The following NEO1 variants were observed in gnomAD, a reference collection of about 807,000 sequenced individuals.
NEO1 encodes neogenin 1.
In NEO1, 63 loss-of-function variants were observed where a neutral mutation model predicts 159.7. The ratio of observed to expected loss-of-function variants is 0.39; its 90% CI spans 0.32 to 0.49. The LOEUF (loss-of-function observed/expected upper bound fraction) is 0.49. Among genes scored for constraint, NEO1 ranks in the 20% least tolerant of loss-of-function variants. NEO1 has a pLI of 0.85. For synonymous variants in NEO1, 633 were observed against 662.0 expected (o/e 0.96, Z 0.67); for missense variants, 1,615 against 1,831.0 (o/e 0.88, Z 2.15).
At chr15:73,096,393 A>G (rs1327003566) in intron 1 of NEO1, among the ~76,000 whole-genome samples, 1 of 152,218 alleles carries the variant, frequency 6.6e-6, no homozygotes, top group African/African-American at 2.4e-5. Flanking sequence ...GCAACAGGAG[A>G]TGAAACGTGG....
At chr15:73,256,967 A>G (rs1055010625) in intron 13 of NEO1, among the ~76,000 whole-genome samples, 6 of 151,782 alleles carry the variant, frequency 4.0e-5, no homozygotes, top group African/African-American at 1.2e-4. Flanking sequence ...AGGCTGAAAA[A>G]AAAAAAGTAT....
intron 5 of NEO1, among the ~76,000 whole-genome samples, chr15:73,136,373 C>T (rs6495059): frequency 0.98 from 149,689 of 152,248 alleles, 73,785 homozygotes; most frequent in Middle Eastern, 1. Context: ...ATTGTTGTTA[C>T]TATTTGTAGT....
At chr15:73,090,869 A>G (rs185900408) in intron 1 of NEO1, among the ~76,000 whole-genome samples, 6 of 152,334 alleles carry the variant, frequency 3.9e-5, no homozygotes, top group African/African-American at 1.4e-4. Context: ...TATAGTATCT[A>G]GCATTTTTAG....
At chr15:73,278,232 T>G (rs1373774525) in intron 22 of NEO1, 33 bp downstream of exon 22, 4 of 1,594,314 alleles carry the variant, frequency 2.5e-6, no homozygotes, top group Non-Finnish European at 2.6e-6. Flanking sequence ...TTTTGCTTAC[T>G]ATGGACATGA....
At chr15:73,208,610 C>T (rs2037370946) in intron 7 of NEO1, among the ~76,000 whole-genome samples, 1 of 152,062 alleles carries the variant, frequency 6.6e-6, no homozygotes, top group African/African-American at 2.4e-5. Flanking sequence ...GCCTGTAATC[C>T]CAGCACTTTG....
intron 5 of NEO1, among the ~76,000 whole-genome samples, chr15:73,141,056 A>G (rs774720020): frequency 1.8e-4 from 28 of 152,336 alleles, no homozygotes; most frequent in South Asian, 1.0e-3. Flanking sequence ...TGTATTGTTC[A>G]TGTGTGCCAC....
At chr15:73,110,017 G>C (rs1444786267) in intron 1 of NEO1, among the ~76,000 whole-genome samples, 1 of 152,084 alleles carries the variant, frequency 6.6e-6, no homozygotes, top group African/African-American at 2.4e-5. Flanking sequence ...AGTGTTGCCT[G>C]CTCTTAGTTA....
chr15:73,121,580 C>G (rs1437063825), intron 2 of NEO1, among the ~76,000 whole-genome samples: 1 of 152,048 alleles, frequency 6.6e-6, no homozygotes, highest in Non-Finnish European at 1.5e-5. Context: ...TATACTGTTC[C>G]TCATGACATT....
intron 3 of NEO1, among the ~76,000 whole-genome samples, 180 bp from the exon 4 acceptor site, chr15:73,126,237 C>T (rs62016813): frequency 0.27 from 41,175 of 151,948 alleles, 7,124 homozygotes; most frequent in Middle Eastern, 0.41. Context: ...AGTGCTTTGT[C>T]GTGTGTGTAT....
chr15:73,088,109 C>G (rs2069465970), intron 1 of NEO1, among the ~76,000 whole-genome samples: 1 of 151,728 alleles, frequency 6.6e-6, no homozygotes, highest in Admixed American at 6.6e-5. Flanking sequence ...ATGTTTATAT[C>G]TTCAGATATG....
chr15:73,299,728 G>A (rs1175798288), intron 27 of NEO1, among the ~76,000 whole-genome samples: 3 of 152,200 alleles, frequency 2.0e-5, no homozygotes, highest in Non-Finnish European at 4.4e-5. Flanking sequence ...GAGAAGAGTC[G>A]TTTTATTTTT....
In NEO1 at chr15:73,270,224, C is replaced by T. The variant is rs1282613321; in HGVS notation, c.2709C>T (p.Thr903=). 12 of 1,614,170 alleles carry T rather than the reference C, an allele frequency of 7.4e-6. No individual in the cohort carries two copies. The highest frequency in any genetic ancestry group is 1.0e-5 in the Non-Finnish European group (12 of 1,180,024). ...GGAAAACCAACATCCCAGCAAACAC[C>T]AAGTACAAGGTACTGACACATTTGC... The part of the protein sequence containing the change: ...VRWKTNIPAN[T]KYKNANATTL... Residue 903 remains threonine (T), a synonymous_variant, in exon 17 of 29, where the codon ACC becomes ACT. Coordinates refer to ENST00000261908, the MANE Select transcript of NEO1 (RefSeq NM_002499.4).
At chr15:73,242,946 C>T (rs901766588) in intron 8 of NEO1, among the ~76,000 whole-genome samples, 3 of 152,190 alleles carry the variant, frequency 2.0e-5, no homozygotes, top group African/African-American at 4.8e-5. Context: ...GTTCAAGCAT[C>T]AGCTGTACTT....
At chr15:73,139,705 A>C (rs2032190542) in intron 5 of NEO1, among the ~76,000 whole-genome samples, 1 of 152,234 alleles carries the variant, frequency 6.6e-6, no homozygotes, top group African/African-American at 2.4e-5. Flanking sequence ...AAAATATCAG[A>C]AGAATAATAT....
chr15:73,134,520 T>G (rs1029954321), intron 4 of NEO1, among the ~76,000 whole-genome samples: 1 of 152,138 alleles, frequency 6.6e-6, no homozygotes, highest in Non-Finnish European at 1.5e-5. Flanking sequence ...TGTATAGTCA[T>G]TTCCTCTGAT....
At position 73,270,431 on chromosome 15, in the gene NEO1, C is replaced by T; in HGVS notation, c.2834C>T (p.Ala945Val). ...GRRSSTWSMT[A>V]HGTTFELVPT... The stretch of plus-strand genomic sequence containing the variant: ...AGATCAAGTACATGGAGTATGACAG[C>T]CCATGGGACCACCTTTGAATTAGGT... Residue 945 changes from alanine to valine, a missense_variant, in exon 18 of 29, where the codon GCC becomes GTC. Ala to Val is a moderately conservative substitution (Grantham distance 64). Around this residue, in one of 3 missense-constraint regions of NEO1, gnomAD observed 126 missense variants for 216.7 expected, o/e 0.58. Coordinates refer to ENST00000261908, the MANE Select transcript of NEO1 (RefSeq NM_002499.4). The T allele has an allele frequency of 6.2e-7, 1 of 1,613,506 alleles. No homozygotes were observed. Among genetic ancestry groups the T allele is most frequent in the Non-Finnish European group, 8.5e-7 (1 of 1,179,924 alleles).
At chr15:73,143,528 G>T (rs150432207) in intron 5 of NEO1, 1 of 152,604 alleles carries the variant, frequency 6.6e-6, no homozygotes, top group Non-Finnish European at 1.5e-5. Flanking sequence ...GGACATCGGC[G>T]GATGCCGGTG....
chr15:73,058,105 C>T (rs1378893973), intron 1 of NEO1, among the ~76,000 whole-genome samples: 3 of 152,082 alleles, frequency 2.0e-5, no homozygotes, highest in Admixed American at 6.6e-5. Flanking sequence ...TGTTGGAGAT[C>T]GTTCCATGCC....
chr15:73,196,763 T>C (rs1018285185), intron 7 of NEO1, among the ~76,000 whole-genome samples: 6 of 152,188 alleles, frequency 3.9e-5, no homozygotes, highest in Admixed American at 2.0e-4. Flanking sequence ...CAAATCCTAT[T>C]AGGTTTCCCT....
Sources: gnomAD v4.1 joint callset for allele counts (sites outside exome capture counted in the v4.1 genomes callset) on GRCh38, gnomAD v4.1.1 for gene constraint, gnomAD v4.1.1 regional missense constraint, MANE v1.5 for transcripts, NCBI Gene and HGNC (gene_info 2026-07-23, HGNC 2026-07-21) for gene names.